Variants in BRK1 observed in about 807,000 individuals in gnomAD.
BRK1 encodes the protein BRICK1 subunit of SCAR/WAVE actin nucleating complex, also known as protein BRICK1.
BRK1 carries 6 observed loss-of-function variants against 9.9 expected under a neutral mutation model. That is an observed-to-expected ratio of 0.60 (90% CI 0.33 to 1.19). The LOEUF (loss-of-function observed/expected upper bound fraction) is 1.19, where lower values mean the gene tolerates loss of function less well. Among genes scored for constraint, BRK1 ranks in the 50% most tolerant of loss-of-function variants. The probability of loss-of-function intolerance (pLI) is 0.04; values close to 1 mark genes in which losing one functional copy is unlikely to be tolerated. For missense variants in BRK1, 62 were observed against 97.5 expected, an observed-to-expected ratio of 0.64 and a Z score of 1.53; for synonymous variants, 44 against 31.9, an observed-to-expected ratio of 1.38 and a Z score of -1.28.
Position 10,115,694 on chromosome 3 carries a change from C to T in BRK1, c.-8C>T. 6.2e-7 allele frequency: 1 copy of T among 1,611,862 alleles called. No individual in the cohort carries two copies. The highest frequency in any genetic ancestry group is 1.1e-5 in the South Asian group (1 of 91,026). On this transcript the variant is annotated 5_prime_UTR_variant, in exon 1 of 3. Transcript: ENST00000530758. ...GCCTGCGCAGTCGCTCTTCCTCAGG[C>T]GGCGGCCATGGCGGGACAGGAGGAT...
At chr3:10,118,080 C>G (rs1203287807) in intron 1 of BRK1, among the ~76,000 whole-genome samples, 5 of 151,926 alleles carry the variant, frequency 3.3e-5, no homozygotes, top group Admixed American at 2.6e-4. Flanking sequence ...ATGGTGAAAC[C>G]CTGTCTCTAC....
At position 10,121,882 on chromosome 3, in the gene BRK1, C is replaced by CTTT. The variant is rs911888155; in HGVS notation, c.119-3721_119-3719dup. ...AGGCGTGAGCCTCTGCACCCGGCCACTTTTTTTTTTTTTTTTTTTTTTTTT... is the reference window on the plus strand; with the variant it reads ...AGGCGTGAGCCTCTGCACCCGGCCACTTTTTTTTTTTTTTTTTTTTTTTTTTTT... On this transcript the variant is annotated intron_variant, in intron 1 of 2. Coordinates refer to ENST00000530758, the MANE Select transcript of BRK1 (RefSeq NM_018462.5). Among the ~76,000 whole-genome samples the CTTT allele has an allele frequency of 2.4e-3, 214 of 88,118 alleles. 1 individual carries two copies. Among genetic ancestry groups the CTTT allele is most frequent in the African/African-American group, 3.8e-3 (83 of 21,718 alleles). The allele number at this position is 88,118 out of a possible 152,430, so 57.8% of individuals were successfully genotyped here.
At chr3:10,118,720 C>T (rs1448900364) in intron 1 of BRK1, among the ~76,000 whole-genome samples, 1 of 152,074 alleles carries the variant, frequency 6.6e-6, no homozygotes, top group African/African-American at 2.4e-5. Context: ...CTCCTGGCCT[C>T]AAGTGATCCA....
intron 1 of BRK1, among the ~76,000 whole-genome samples, chr3:10,117,928 A>G (rs1318908418): frequency 2.0e-5 from 3 of 152,202 alleles, no homozygotes; most frequent in African/African-American, 7.2e-5. Flanking sequence ...TTAACAGTCA[A>G]AGGAATTTGA....
chr3:10,118,475 T>C (rs914133254), intron 1 of BRK1, among the ~76,000 whole-genome samples: 2 of 151,972 alleles, frequency 1.3e-5, no homozygotes, highest in Non-Finnish European at 2.9e-5. Flanking sequence ...TTGAAGTGCA[T>C]GGATCCATTT....
At position 10,123,648 on chromosome 3, in the gene BRK1, A is replaced by C. The variant is rs12714852; in HGVS notation, c.119-1978A>C. Among the ~76,000 whole-genome samples the C allele has an allele frequency of 1, 135,305 of 135,400 alleles. 67,605 individuals are homozygous for C. Among genetic ancestry groups the C allele is most frequent in the Middle Eastern group, 1 (276 of 276 alleles). 88.8% of individuals were successfully genotyped at this position (135,400 alleles called of 152,430 possible). On this transcript the variant is annotated intron_variant, in intron 1 of 2. Transcript: ENST00000530758. ...ACGGGGTTTCATTGTGTTAGCCAGG[A>C]TGGTCTCCATCTCCTGACCTCGTGA...
chr3:10,116,123 A>C (rs992025861), intron 1 of BRK1, among the ~76,000 whole-genome samples: 1 of 152,014 alleles, frequency 6.6e-6, no homozygotes, highest in Non-Finnish European at 1.5e-5. Context: ...TCTTCTCCTA[A>C]GTGGTCTCCC....
At position 10,126,506 on chromosome 3, in the gene BRK1, G is replaced by A. The variant is rs1695843030; in HGVS notation, c.*211G>A. The A allele has an allele frequency of 6.4e-6, 3 of 471,272 alleles. No individual in the cohort carries two copies. Among genetic ancestry groups the A allele is most frequent in the African/African-American group, 2.0e-5 (1 of 50,218 alleles). 29.2% of individuals were successfully genotyped at this position (471,272 alleles called of 1,614,324 possible). On this transcript the variant is annotated 3_prime_UTR_variant, in exon 3 of 3. Transcript: ENST00000530758. Reference sequence around the variant, plus strand: ...GTTCAGAGGAACCGTTGGAAACGACGTTAGGCATTTTACCTTTTCAGTAAC... The same window carrying A: ...GTTCAGAGGAACCGTTGGAAACGACATTAGGCATTTTACCTTTTCAGTAAC...
At chr3:10,116,407 C>G (rs1695685122) in intron 1 of BRK1, among the ~76,000 whole-genome samples, 1 of 142,698 alleles carries the variant, frequency 7.0e-6, no homozygotes, top group African/African-American at 2.9e-5. Context: ...GAAGTCCTCT[C>G]TGTATTGCTA....
Position 10,125,837 on chromosome 3 carries a change from T to G in BRK1, c.201+129T>G, listed in dbSNP as rs144305767. On this transcript the variant is annotated intron_variant, in intron 2 of 2. Transcript: ENST00000530758. ...CGGACATGGTGGCTCACGCCTGTAATCCCAGCACTTTGGGAGGCCAAGACA... is the reference window on the plus strand; with the variant it reads ...CGGACATGGTGGCTCACGCCTGTAAGCCCAGCACTTTGGGAGGCCAAGACA... 2,840 of 646,216 alleles carry G rather than the reference T, an allele frequency of 4.4e-3. 66 individuals carry two copies. In the African/African-American group the frequency reaches 0.046, roughly 11 times the overall value. The allele number at this position is 646,216 out of a possible 1,614,324, so 40.0% of individuals were successfully genotyped here.
rs113268531 is a variant in BRK1, at chr3:10,125,385, A to G, written c.119-241A>G. Among the ~76,000 whole-genome samples, 31,011 of 152,046 alleles carry G rather than the reference A, an allele frequency of 0.2. 3,665 individuals are homozygous for G. The highest frequency in any genetic ancestry group is 0.33 in the African/African-American group (13,620 of 41,444). The stretch of plus-strand genomic sequence containing the variant: ...CTCCCAAAGTGCTAGGATTACAGGC[A>G]TGAGCCACCGTGCCCTGCAGGAAAG... On this transcript the variant is annotated intron_variant, in intron 1 of 2. Coordinates refer to ENST00000530758, the MANE Select transcript of BRK1 (RefSeq NM_018462.5).
In BRK1 at chr3:10,126,615, ATCTT is replaced by A. The variant is rs1348566399; in HGVS notation, c.*328_*331del. 1 of 288,196 alleles carries A rather than the reference ATCTT, an allele frequency of 3.5e-6. No homozygotes were observed. 17.9% of individuals were successfully genotyped at this position (288,196 alleles called of 1,614,324 possible). ...CTTTGTGAAGGTCCTCCTCACCTCT[ATCTT>A]TCTTTCTCTCTCTCTCAAACTTTCC... is the stretch of plus-strand genomic sequence containing the variant. On this transcript the variant is annotated 3_prime_UTR_variant, in exon 3 of 3. Coordinates refer to ENST00000530758, the MANE Select transcript of BRK1 (RefSeq NM_018462.5).
chr3:10,118,535 T>C (rs1695715978), intron 1 of BRK1, among the ~76,000 whole-genome samples: 1 of 152,064 alleles, frequency 6.6e-6, no homozygotes, highest in African/African-American at 2.4e-5. Context: ...TCACCTAGGC[T>C]GAAGTGCAGT....
rs912394484 is a variant in BRK1, at chr3:10,126,798, T to G, written c.*503T>G. On this transcript the variant is annotated 3_prime_UTR_variant, in exon 3 of 3. Transcript: ENST00000530758. The stretch of plus-strand genomic sequence containing the variant: ...TGTTGCTAACCCACCAGTTTCTTGT[T>G]GATTTGGAGAGGTCAAGGCCAGGCC... 1 of 153,686 alleles carries G rather than the reference T, an allele frequency of 6.5e-6. No homozygotes were observed. Among genetic ancestry groups the G allele is most frequent in the Non-Finnish European group, 1.5e-5 (1 of 68,788 alleles). 9.5% of individuals were successfully genotyped at this position (153,686 alleles called of 1,614,324 possible). A position where few individuals can be genotyped will look rare whatever the true frequency, so the allele number is the denominator to read the frequency against.
At chr3:10,120,991 G>T (rs750725920) in intron 1 of BRK1, among the ~76,000 whole-genome samples, 6 of 152,188 alleles carry the variant, frequency 3.9e-5, no homozygotes. Flanking sequence ...AGACTGAAAA[G>T]AGGCTTGGTC....
rs749808094 is a variant in BRK1, at chr3:10,115,707, G to T, written c.6G>T (p.Ala2=). 6 of 1,613,598 alleles carry T rather than the reference G, an allele frequency of 3.7e-6. No homozygotes were observed. The African/African-American group carries it at 5.3e-5, about 14-fold the overall frequency. M[A]GQEDPVQREI... Reference sequence around the variant, plus strand: ...CTCTTCCTCAGGCGGCGGCCATGGCGGGACAGGAGGATCCGGTGCAGCGGG... The same window carrying T: ...CTCTTCCTCAGGCGGCGGCCATGGCTGGACAGGAGGATCCGGTGCAGCGGG... Residue 2 remains alanine (A), a synonymous_variant, in exon 1 of 3, where the codon GCG becomes GCT. Coordinates refer to ENST00000530758, the MANE Select transcript of BRK1 (RefSeq NM_018462.5).
rs1164302585 is a variant in BRK1, at chr3:10,125,711, G to T, written c.201+3G>T. ...GAATAGAGTACATTGAAGCTCGGGT[G>T]AGTTTGATGGGCAAGGGCATTCCAG... is the stretch of plus-strand genomic sequence containing the variant. On this transcript the variant is annotated splice_donor_region_variant and intron_variant, in intron 2 of 2. Transcript: ENST00000530758. 1.2e-6 allele frequency: 2 copies of T among 1,604,178 alleles called. No homozygotes were observed. The highest frequency in any genetic ancestry group is 1.1e-5 in the South Asian group (1 of 90,092).
At chr3:10,123,554 C>G (rs1258930781) in intron 1 of BRK1, among the ~76,000 whole-genome samples, 2 of 149,618 alleles carry the variant, frequency 1.3e-5, no homozygotes, top group Admixed American at 6.7e-5. Flanking sequence ...TCTGCCTCAG[C>G]CTCCCGAATA....
intron 1 of BRK1, among the ~76,000 whole-genome samples, chr3:10,123,798 C>G (rs1314492431): frequency 8.0e-6 from 1 of 124,840 alleles, no homozygotes; most frequent in Non-Finnish European, 1.6e-5. Flanking sequence ...TGCAGTGGTG[C>G]AATCCCAGCT....
Sources: allele counts gnomAD v4.1 joint callset (sites outside exome capture counted in the v4.1 genomes callset), GRCh38; gene constraint gnomAD v4.1.1; transcripts MANE v1.5; gene names NCBI Gene and HGNC (gene_info 2026-07-23, HGNC 2026-07-21).